HEMK2: variants seen among roughly 807,000 people sequenced by gnomAD.
HEMK2 encodes the protein HemK methyltransferase 2, ETF1 glutamine and histone H4 lysine, also known as methyltransferase HEMK2.
chr21:28,646,251 C>T, the HEMK2 span, among the ~76,000 whole-genome samples: 1 of 152,180 alleles, frequency 6.6e-6, no homozygotes, highest in Non-Finnish European at 1.5e-5. Context: ...CCTGTCATCT[C>T]AGGAAAAGCC....
the HEMK2 span, among the ~76,000 whole-genome samples, chr21:28,632,496 A>T: frequency 6.6e-6 from 1 of 152,232 alleles, no homozygotes. Flanking sequence ...TTTCTTGACC[A>T]ATTATTCTCA....
the HEMK2 span, among the ~76,000 whole-genome samples, chr21:28,701,546 CCACACACACACATACACACACACACA>C: frequency 2.1e-3 from 247 of 119,962 alleles, no homozygotes; most frequent in African/African-American, 8.6e-3. Context: ...TTCACAATAG[CCACACACACACATACACACACACACA>C]CACACACACA....
chr21:28,636,405 C>A, the HEMK2 span, among the ~76,000 whole-genome samples: 2 of 152,094 alleles, frequency 1.3e-5, no homozygotes, highest in Non-Finnish European at 2.9e-5. Context: ...GAAAATGGAG[C>A]CTTGATGGAC....
chr21:28,831,948 C>G, the HEMK2 span, among the ~76,000 whole-genome samples: 2 of 152,072 alleles, frequency 1.3e-5, no homozygotes, highest in African/African-American at 2.4e-5. Flanking sequence ...TAACTGTTTA[C>G]TAAAATATCA....
chr21:28,613,820 T>A, the HEMK2 span, among the ~76,000 whole-genome samples: 1 of 152,078 alleles, frequency 6.6e-6, no homozygotes, highest in Non-Finnish European at 1.5e-5. Flanking sequence ...GTAAGAAATG[T>A]CCTCAAATCT....
chr21:28,828,765 C>T, the HEMK2 span, among the ~76,000 whole-genome samples: 1 of 152,194 alleles, frequency 6.6e-6, no homozygotes, highest in African/African-American at 2.4e-5. Context: ...ACCCAAATAG[C>T]CACCTAACAC....
At chr21:28,599,626 CA>C in the HEMK2 span, among the ~76,000 whole-genome samples, 2 of 152,122 alleles carry the variant, frequency 1.3e-5, no homozygotes, top group African/African-American at 4.8e-5. Flanking sequence ...CCTTACATTT[CA>C]AAACCAATCA....
the HEMK2 span, among the ~76,000 whole-genome samples, chr21:28,729,200 T>C: frequency 1.3e-5 from 2 of 152,214 alleles, no homozygotes; most frequent in African/African-American, 4.8e-5. Context: ...GTTGTTCTCC[T>C]CTTCAAGTAA....
chr21:28,774,349 G>T, the HEMK2 span, among the ~76,000 whole-genome samples: 1 of 152,108 alleles, frequency 6.6e-6, no homozygotes, highest in Non-Finnish European at 1.5e-5. Flanking sequence ...CAGCATTCTG[G>T]GGGCTAAGGT....
the HEMK2 span, among the ~76,000 whole-genome samples, chr21:28,863,866 C>A: frequency 6.6e-6 from 1 of 152,080 alleles, no homozygotes; most frequent in Admixed American, 6.5e-5. Flanking sequence ...CTTGCTCTGT[C>A]GCCCAGGCCG....
the HEMK2 span, among the ~76,000 whole-genome samples, chr21:28,840,341 CA>C: frequency 1.3e-5 from 2 of 152,022 alleles, no homozygotes; most frequent in Admixed American, 1.3e-4. Flanking sequence ...AAAGCAAATG[CA>C]ATAAAAACAA....
At chr21:28,871,262 C>T in the HEMK2 span, among the ~76,000 whole-genome samples, 40 of 152,168 alleles carry the variant, frequency 2.6e-4, no homozygotes, top group South Asian at 2.1e-4. Flanking sequence ...TTCCACAGGC[C>T]GTACAGGAAG....
At chr21:28,719,983 G>T in the HEMK2 span, among the ~76,000 whole-genome samples, 1 of 152,188 alleles carries the variant, frequency 6.6e-6, no homozygotes, top group African/African-American at 2.4e-5. Flanking sequence ...TGGACATACT[G>T]TAAAACAAGT....
At chr21:28,592,808 C>T in the HEMK2 span, among the ~76,000 whole-genome samples, 2 of 152,070 alleles carry the variant, frequency 1.3e-5, no homozygotes, top group African/African-American at 4.8e-5. Flanking sequence ...TCCAGCTATT[C>T]TTGGGTTTGA....
At chr21:28,638,772 C>T in the HEMK2 span, among the ~76,000 whole-genome samples, 2 of 152,076 alleles carry the variant, frequency 1.3e-5, no homozygotes, top group South Asian at 2.1e-4. Flanking sequence ...GGCTGTCTGC[C>T]GGAGCTCCTT....
the HEMK2 span, among the ~76,000 whole-genome samples, chr21:28,673,078 AAGAG>A: frequency 3.3e-5 from 5 of 150,540 alleles, no homozygotes; most frequent in South Asian, 2.1e-4. Flanking sequence ...AAGAGAGAGA[AAGAG>A]AGAGGGAGGA....
the HEMK2 span, among the ~76,000 whole-genome samples, chr21:28,877,081 G>T: frequency 5.8e-5 from 7 of 121,466 alleles, no homozygotes; most frequent in Admixed American, 8.2e-5. Context: ...GGAAGGGAAG[G>T]GAAGGGAGGG....
chr21:28,809,172 T>C, the HEMK2 span, among the ~76,000 whole-genome samples: 1 of 152,180 alleles, frequency 6.6e-6, no homozygotes, highest in Non-Finnish European at 1.5e-5. Flanking sequence ...GAGATCAAGA[T>C]ATCTAAGCTA....
the HEMK2 span, among the ~76,000 whole-genome samples, chr21:28,834,512 G>C: frequency 6.6e-6 from 1 of 152,190 alleles, no homozygotes; most frequent in Non-Finnish European, 1.5e-5. Flanking sequence ...GAACTCACTG[G>C]CTCCCCTAGC....
Sources: allele counts gnomAD v4.1 joint callset (sites outside exome capture counted in the v4.1 genomes callset), GRCh38; gene constraint gnomAD v4.1.1; transcripts MANE v1.5; gene names NCBI Gene and HGNC (gene_info 2026-07-23, HGNC 2026-07-21).